ATP8A2: variants seen among roughly 807,000 people sequenced by gnomAD.
ATP8A2 encodes the protein ATPase phospholipid transporting 8A2, also known as phospholipid-transporting ATPase IB.
ATP8A2 carries 100 observed loss-of-function variants against 165.6 expected under a neutral mutation model. The ratio of observed to expected loss-of-function variants is 0.60; its 90% CI spans 0.51 to 0.71. The LOEUF is 0.71. Ranked by LOEUF, ATP8A2 falls within the 30% of genes least tolerant of loss-of-function variation. ATP8A2 has a pLI of 0.00. For missense variants in ATP8A2, 1,227 were observed against 1,479.5 expected, an observed-to-expected ratio of 0.83 and a Z score of 2.80; for synonymous variants, 543 against 548.8, an observed-to-expected ratio of 0.99 and a Z score of 0.15.
chr13:25,779,786 T>G (rs2044830719), intron 27 of ATP8A2, among the ~76,000 whole-genome samples: 1 of 152,204 alleles, frequency 6.6e-6, no homozygotes, highest in Non-Finnish European at 1.5e-5. Flanking sequence ...CTCTTTGATG[T>G]TGACAATGGG....
intron 25 of ATP8A2, among the ~76,000 whole-genome samples, chr13:25,706,358 C>T (rs1412040322): frequency 6.6e-6 from 1 of 152,208 alleles, no homozygotes; most frequent in African/African-American, 2.4e-5. Flanking sequence ...TTATCACTCA[C>T]TTAGCCTGCA....
At chr13:25,889,466 G>T (rs1282791063) in intron 33 of ATP8A2, among the ~76,000 whole-genome samples, 1 of 151,900 alleles carries the variant, frequency 6.6e-6, no homozygotes. Flanking sequence ...ATGTGGTTTG[G>T]TCATAACCCT....
At position 25,590,872 on chromosome 13, in the gene ATP8A2, C is replaced by T. The variant is rs955485413; in HGVS notation, c.2211+1173C>T. ...AAGGGCAGGAGGCAGGGGGAGAGTC[C>T]GTAGTTCTGTATGTTTCCAAGGCAC... On this transcript the variant is annotated intron_variant, in intron 24 of 36. Coordinates refer to ENST00000381655, the MANE Select transcript of ATP8A2 (RefSeq NM_016529.6). 5.3e-5 allele frequency among the ~76,000 whole-genome samples: 8 copies of T among 152,094 alleles called. 1 individual carries two copies. Among genetic ancestry groups the T allele is most frequent in the South Asian group, 2.1e-4 (1 of 4,804 alleles).
intron 24 of ATP8A2, among the ~76,000 whole-genome samples, chr13:25,650,747 G>T (rs78448389): frequency 0.01 from 1,554 of 152,128 alleles, 50 homozygotes; most frequent in East Asian, 0.083. Flanking sequence ...TTATTGACAT[G>T]ATCTTATGGT....
At chr13:25,915,092 T>A (rs557623887) in intron 33 of ATP8A2, among the ~76,000 whole-genome samples, 1 of 152,392 alleles carries the variant, frequency 6.6e-6, no homozygotes, top group African/African-American at 2.4e-5. Flanking sequence ...GCTTCTGTTC[T>A]AAAATTATGT....
chr13:25,612,263 G>A (rs1015208829), intron 24 of ATP8A2, among the ~76,000 whole-genome samples: 1 of 152,022 alleles, frequency 6.6e-6, no homozygotes, highest in Non-Finnish European at 1.5e-5. Flanking sequence ...TTTTGATGTA[G>A]GCATTTAATG....
intron 2 of ATP8A2, among the ~76,000 whole-genome samples, chr13:25,516,947 A>C (rs112249601): frequency 6.6e-6 from 1 of 151,708 alleles, no homozygotes; most frequent in African/African-American, 2.4e-5. Context: ...AGCTCGGCTA[A>C]TTTTTGTATT....
chr13:25,701,529 A>C (rs1035407508), intron 25 of ATP8A2, among the ~76,000 whole-genome samples: 6 of 152,042 alleles, frequency 3.9e-5, no homozygotes, highest in Non-Finnish European at 7.4e-5. Flanking sequence ...CATCCCCCTG[A>C]CTCGCTGGTG....
At chr13:25,831,246 G>A (rs1412676676) in intron 28 of ATP8A2, among the ~76,000 whole-genome samples, 2 of 138,364 alleles carry the variant, frequency 1.4e-5, no homozygotes, top group Non-Finnish European at 3.0e-5. Context: ...ATGGAGTCTA[G>A]CTCTGTTGCC....
intron 2 of ATP8A2, among the ~76,000 whole-genome samples, chr13:25,490,732 TTTTTG>T (rs750619667): frequency 0.056 from 8,231 of 147,170 alleles, 241 homozygotes; most frequent in African/African-American, 0.072. Flanking sequence ...TTTTGTTTTT[TTTTTG>T]TTTGTTTGTT....
At chr13:25,405,178 C>A (rs2033761577) in intron 1 of ATP8A2, among the ~76,000 whole-genome samples, 1 of 152,024 alleles carries the variant, frequency 6.6e-6, no homozygotes, top group Non-Finnish European at 1.5e-5. Flanking sequence ...AGGCTCAGGA[C>A]AGAGGCCTGA....
At chr13:26,003,211 T>A (rs1398165951) in intron 35 of ATP8A2, among the ~76,000 whole-genome samples, 1 of 151,674 alleles carries the variant, frequency 6.6e-6, no homozygotes. Context: ...TTTTTTTTTT[T>A]AATAATAACC....
chr13:25,702,189 A>G (rs1182372789), intron 25 of ATP8A2, among the ~76,000 whole-genome samples: 1 of 152,200 alleles, frequency 6.6e-6, no homozygotes, highest in Non-Finnish European at 1.5e-5. Context: ...TTCTCTAATA[A>G]TGAAAGAAGT....
chr13:25,704,190 C>G (rs188108699), intron 25 of ATP8A2, among the ~76,000 whole-genome samples: 14 of 152,260 alleles, frequency 9.2e-5, no homozygotes, highest in Admixed American at 2.0e-4. Flanking sequence ...AGAAATTCTA[C>G]AAACTCCCCG....
intron 2 of ATP8A2, among the ~76,000 whole-genome samples, chr13:25,501,527 T>A (rs1410635794): frequency 6.6e-6 from 1 of 152,176 alleles, no homozygotes; most frequent in Non-Finnish European, 1.5e-5. Flanking sequence ...AAAGACATAT[T>A]CCCTGGCAAG....
At chr13:25,429,600 G>T (rs999259656) in intron 1 of ATP8A2, among the ~76,000 whole-genome samples, 2 of 152,088 alleles carry the variant, frequency 1.3e-5, no homozygotes, top group Non-Finnish European at 1.5e-5. Context: ...CACCTTAATA[G>T]ACTGCCACAT....
intron 24 of ATP8A2, among the ~76,000 whole-genome samples, chr13:25,660,147 C>T (rs6491081): frequency 0.99 from 150,877 of 152,306 alleles, 74,745 homozygotes; most frequent in East Asian, 1. Flanking sequence ...TTTTTCTTAA[C>T]TTGGGTAGAG....
chr13:25,937,314 CTTTTGTGGCA>C lies in ATP8A2; in HGVS notation c.3184-24256_3184-24247del, dbSNP rs745625333. 2.5e-3 allele frequency among the ~76,000 whole-genome samples: 253 copies of C among 101,898 alleles called. 1 individual carries two copies. Among genetic ancestry groups the C allele is most frequent in the Non-Finnish European group, 4.4e-3 (205 of 46,490 alleles). The allele number at this position is 101,898 out of a possible 152,430, so 66.8% of individuals were successfully genotyped here. A position where few individuals can be genotyped will look rare whatever the true frequency, so the allele number is the denominator to read the frequency against. On this transcript the variant is annotated intron_variant, in intron 33 of 36. Coordinates refer to ENST00000381655, the MANE Select transcript of ATP8A2 (RefSeq NM_016529.6). Reference sequence around the variant, plus strand: ...GCAGTCATAGAAGTCATTCACTCAACTTTTGTGGCATTTTATTTTTTTTGCTTTGTCTTTC... The same window carrying C: ...GCAGTCATAGAAGTCATTCACTCAACTTTTATTTTTTTTGCTTTGTCTTTC...
chr13:25,997,757 G>A (rs958918232), intron 35 of ATP8A2, among the ~76,000 whole-genome samples: 4 of 151,630 alleles, frequency 2.6e-5, no homozygotes, highest in South Asian at 2.1e-4. Flanking sequence ...ATATTTTTCC[G>A]TTCTGAAATT....
Sources: allele counts gnomAD v4.1 joint callset (sites outside exome capture counted in the v4.1 genomes callset), GRCh38; gene constraint gnomAD v4.1.1; transcripts MANE v1.5; gene names NCBI Gene and HGNC (gene_info 2026-07-23, HGNC 2026-07-21).